Variants in NRG1 observed in about 807,000 individuals in gnomAD.
NRG1 encodes neuregulin 1.
Under a neutral mutation model 63.8 loss-of-function variants are expected in NRG1, and 18 were observed. The ratio of observed to expected loss-of-function variants is 0.28; its 90% confidence interval spans 0.19 to 0.42. The LOEUF (loss-of-function observed/expected upper bound fraction) is 0.42. NRG1 is among the 10% of genes least tolerant of loss of function. The probability of loss-of-function intolerance (pLI) is 1.00; values close to 1 mark genes in which losing one functional copy is unlikely to be tolerated. For synonymous variants in NRG1, 302 were observed against 301.3 expected (o/e 1.00, Z -0.02); for missense variants, 762 against 814.7 (o/e 0.94, Z 0.79).
intron 1 of NRG1, among the ~76,000 whole-genome samples, chr8:31,854,580 T>G (rs1057372072): frequency 1.3e-5 from 2 of 152,150 alleles, no homozygotes; most frequent in African/African-American, 2.4e-5. Flanking sequence ...ATTCATTAAT[T>G]TTTTGAAGGG....
At position 32,409,224 on chromosome 8, in the gene NRG1, C is replaced by G. The variant is rs889346327; in HGVS notation, c.38-186604C>G. 2.0e-5 allele frequency among the ~76,000 whole-genome samples: 3 copies of G among 152,144 alleles called. No individual in the cohort carries two copies. The South Asian group carries it at 6.2e-4, about 32-fold the overall frequency. On this transcript the variant is annotated intron_variant, in intron 1 of 10. Coordinates refer to the NRG1 transcript ENST00000519301. The stretch of plus-strand genomic sequence containing the variant: ...TATGCAGAACAATGAAACTCGTTCC[C>G]CTATCTCTCACCATATGCAAAAATT...
intron 1 of NRG1, among the ~76,000 whole-genome samples, chr8:31,839,838 G>A (rs1027853972): frequency 6.6e-6 from 1 of 152,100 alleles, no homozygotes; most frequent in Non-Finnish European, 1.5e-5. Flanking sequence ...TCTTTCATTA[G>A]TGAAACAGAG....
chr8:31,765,913 T>C (rs756378551), intron 1 of NRG1, among the ~76,000 whole-genome samples: 8 of 152,176 alleles, frequency 5.3e-5, no homozygotes, highest in Non-Finnish European at 1.0e-4. Context: ...GGTGACTTGA[T>C]AGAGGAAATG....
chr8:31,786,749 T>C (rs2131638179), intron 1 of NRG1, among the ~76,000 whole-genome samples: 1 of 152,276 alleles, frequency 6.6e-6, no homozygotes, highest in Non-Finnish European at 1.5e-5. Context: ...AAGAAATGTG[T>C]AAGGTAAGGC....
intron 1 of NRG1, among the ~76,000 whole-genome samples, chr8:32,307,900 C>T (rs1350346385): frequency 6.6e-6 from 1 of 152,142 alleles, no homozygotes; most frequent in East Asian, 1.9e-4. Flanking sequence ...GCAAATTGTG[C>T]AACCTCTCCG....
chr8:31,875,285 GA>G (rs1199507203), intron 1 of NRG1, among the ~76,000 whole-genome samples: 1 of 152,174 alleles, frequency 6.6e-6, no homozygotes, highest in Non-Finnish European at 1.5e-5. Flanking sequence ...TCTCCGAATT[GA>G]GTTCATTAAT....
intron 1 of NRG1, among the ~76,000 whole-genome samples, chr8:31,829,379 A>G (rs1441952008): frequency 6.6e-6 from 1 of 152,206 alleles, no homozygotes; most frequent in Non-Finnish European, 1.5e-5. Context: ...TCATTTAACA[A>G]AAGTTATTTT....
chr8:32,647,936 A>G (rs371797228), intron 5 of NRG1: 1 of 1,614,160 alleles, frequency 6.2e-7, no homozygotes, highest in Non-Finnish European at 8.5e-7. Flanking sequence ...GCCTCAACTC[A>G]GAGAAAATCT....
At chr8:31,849,765 G>A (rs1204318602) in intron 1 of NRG1, among the ~76,000 whole-genome samples, 1 of 152,138 alleles carries the variant, frequency 6.6e-6, no homozygotes, top group Non-Finnish European at 1.5e-5. Context: ...CCAATTCTTT[G>A]TTTAGTAGCA....
At chr8:32,521,131 A>G (rs1027182907) in intron 1 of NRG1, among the ~76,000 whole-genome samples, 4 of 152,162 alleles carry the variant, frequency 2.6e-5, no homozygotes, top group Non-Finnish European at 4.4e-5. Flanking sequence ...AAAAAATAGT[A>G]TATATAGGGT....
chr8:32,618,396 G>T (rs189015411), intron 5 of NRG1, among the ~76,000 whole-genome samples: 67 of 152,214 alleles, frequency 4.4e-4, no homozygotes, highest in African/African-American at 1.4e-3. Flanking sequence ...GTTTGAGAAT[G>T]TAAAAAAATA....
intron 1 of NRG1, among the ~76,000 whole-genome samples, chr8:32,465,879 A>C (rs1822995712): frequency 6.6e-6 from 1 of 152,220 alleles, no homozygotes; most frequent in Non-Finnish European, 1.5e-5. Flanking sequence ...CCACAATACA[A>C]AAAAGTATAT....
chr8:31,791,124 C>T (rs1820660116), intron 1 of NRG1, among the ~76,000 whole-genome samples: 1 of 150,300 alleles, frequency 6.7e-6, no homozygotes, highest in Non-Finnish European at 1.5e-5. Flanking sequence ...CGCAAGAATC[C>T]ATTGAGCCTG....
At position 31,767,771 on chromosome 8, in the gene NRG1, G is replaced by A. The variant is rs1392788049; in HGVS notation, c.37+128340G>A. Among the ~76,000 whole-genome samples the A allele has an allele frequency of 9.3e-5, 14 of 151,180 alleles. 1 individual carries two copies. The highest frequency in any genetic ancestry group is 1.9e-4 in the East Asian group (1 of 5,142). Reference sequence around the variant, plus strand: ...TGGAGAATTGATTGAACCTGGAGGCGGAGGTTGCAGTGAGCCGAGATTGTG... The same window carrying A: ...TGGAGAATTGATTGAACCTGGAGGCAGAGGTTGCAGTGAGCCGAGATTGTG... On this transcript the variant is annotated intron_variant, in intron 1 of 10. Coordinates refer to the NRG1 transcript ENST00000519301.
rs115141084 is a variant in NRG1 at position 32,592,207 on chromosome 8, C to G, written c.101-3621C>G. ...TAGTTGAAGACATCATGACATTTCACCCCTAAATGCTTAAGCAGATATTGT... is the reference window on the plus strand; with the variant it reads ...TAGTTGAAGACATCATGACATTTCAGCCCTAAATGCTTAAGCAGATATTGT... On this transcript the variant is annotated intron_variant, in intron 1 of 11. Transcript: ENST00000356819. Among the ~76,000 whole-genome samples, 946 of 151,938 alleles carry G rather than the reference C, an allele frequency of 6.2e-3. 13 individuals carry two copies. The highest frequency in any genetic ancestry group is 0.022 in the African/African-American group (906 of 41,478).
chr8:32,531,469 G>C (rs1359395644), intron 1 of NRG1, among the ~76,000 whole-genome samples: 1 of 151,690 alleles, frequency 6.6e-6, no homozygotes, highest in Non-Finnish European at 1.5e-5. Context: ...TGATAAAATG[G>C]TCAAGAAAAG....
intron 5 of NRG1, among the ~76,000 whole-genome samples, chr8:32,655,728 A>G (rs939678425): frequency 5.3e-5 from 8 of 152,138 alleles, no homozygotes; most frequent in African/African-American, 1.7e-4. Flanking sequence ...ATAGATTATT[A>G]CTTTTTGAGT....
chr8:32,165,927 C>A (rs1178882181), intron 1 of NRG1, among the ~76,000 whole-genome samples: 1 of 152,106 alleles, frequency 6.6e-6, no homozygotes, highest in African/African-American at 2.4e-5. Flanking sequence ...CACATGTGTT[C>A]GGTCAGCCCA....
chr8:31,912,538 CAG>C, intron 1 of NRG1, among the ~76,000 whole-genome samples: 1 of 141,128 alleles, frequency 7.1e-6, no homozygotes, highest in Admixed American at 7.2e-5. Flanking sequence ...CAGGATGACT[CAG>C]AAAAGTCTGC....
Sources: gnomAD v4.1 joint callset for allele counts (sites outside exome capture counted in the v4.1 genomes callset) on GRCh38, gnomAD v4.1.1 for gene constraint, MANE v1.5 for transcripts, NCBI Gene and HGNC (gene_info 2026-07-23, HGNC 2026-07-21) for gene names.